The following HOOK3 variants were observed in gnomAD, a reference collection of about 807,000 sequenced individuals.
HOOK3 encodes the protein hook microtubule tethering protein 3.
In HOOK3, 24 loss-of-function variants were observed where a neutral mutation model predicts 116.3. That is an observed-to-expected ratio of 0.21 (90% CI 0.15 to 0.29). The LOEUF (loss-of-function observed/expected upper bound fraction) is 0.29, where lower values mean the gene tolerates loss of function less well. Ranked by LOEUF, HOOK3 falls within the 10% of genes least tolerant of loss-of-function variation. The pLI is 1.00. For missense variants in HOOK3, 632 were observed against 830.2 expected (o/e 0.76, Z 2.93); for synonymous variants, 275 against 283.0 (o/e 0.97, Z 0.28).
intron 4 of HOOK3, among the ~76,000 whole-genome samples, chr8:42,939,988 C>G (rs986079861): frequency 6.6e-6 from 1 of 150,902 alleles, no homozygotes; most frequent in African/African-American, 2.4e-5. Context: ...AGACACTCCT[C>G]ACTTTCCAGA....
intron 1 of HOOK3, among the ~76,000 whole-genome samples, chr8:42,899,437 C>G (rs1437218101): frequency 6.6e-6 from 1 of 152,178 alleles, no homozygotes; most frequent in African/African-American, 2.4e-5. Context: ...AATTTGGAAA[C>G]ACTTTAAAAG....
Position 43,022,331 on chromosome 8 carries a change from C to T in HOOK3, c.*3833C>T, listed in dbSNP as rs1453165047. On this transcript the variant is annotated 3_prime_UTR_variant, in exon 22 of 22. Coordinates refer to ENST00000307602, the MANE Select transcript of HOOK3 (RefSeq NM_032410.4). ...TGAGTGATGCTGTGCTGTATTTTTACAAACTCTCGCATACAGCACCTTCCT... is the reference window on the plus strand; with the variant it reads ...TGAGTGATGCTGTGCTGTATTTTTATAAACTCTCGCATACAGCACCTTCCT... The T allele has an allele frequency of 4.8e-6, 1 of 206,280 alleles. No homozygotes were observed. The allele number at this position is 206,280 out of a possible 1,614,324, so 12.8% of individuals were successfully genotyped here.
chr8:42,931,425 CTTTTTTT>C (rs764965780), intron 4 of HOOK3, among the ~76,000 whole-genome samples: 27 of 100,610 alleles, frequency 2.7e-4, no homozygotes, highest in South Asian at 6.4e-4. Context: ...CTTCTCTTCT[CTTTTTTT>C]TTTTTTTTTT....
At chr8:42,997,663 GGTCC>G in intron 16 of HOOK3, 26 bp downstream of exon 16, 1 of 1,192,490 alleles carries the variant, frequency 8.4e-7, no homozygotes, top group South Asian at 1.2e-5. Context: ...TACCAACGAT[GGTCC>G]ATCAGTTTCA....
intron 2 of HOOK3, among the ~76,000 whole-genome samples, chr8:42,911,275 A>G (rs1424954282): frequency 1.3e-5 from 2 of 152,152 alleles, no homozygotes; most frequent in African/African-American, 4.8e-5. Context: ...AACATGGTGA[A>G]ACTCCGTCTC....
At chr8:42,992,098 A>T (rs974613969) in intron 15 of HOOK3, among the ~76,000 whole-genome samples, 1 of 152,108 alleles carries the variant, frequency 6.6e-6, no homozygotes, top group Non-Finnish European at 1.5e-5. Context: ...CTGTTGGCCT[A>T]TAGAAATGTT....
At position 43,022,183 on chromosome 8, in the gene HOOK3, C is replaced by T. The variant is rs1283001544; in HGVS notation, c.*3685C>T. 1 of 210,586 alleles carries T rather than the reference C, an allele frequency of 4.7e-6. No homozygotes were observed. The highest frequency in any genetic ancestry group is 7.1e-5 in the East Asian group (1 of 14,030). 13.0% of individuals were successfully genotyped at this position (210,586 alleles called of 1,614,324 possible). A position where few individuals can be genotyped will look rare whatever the true frequency, so the allele number is the denominator to read the frequency against. Reference sequence around the variant, plus strand: ...CGGTGGCAACTCCATGTCCGGTGTCCAGCTTTGGACAGGGTTTATGACGTT... The same window carrying T: ...CGGTGGCAACTCCATGTCCGGTGTCTAGCTTTGGACAGGGTTTATGACGTT... On this transcript the variant is annotated 3_prime_UTR_variant, in exon 22 of 22. Coordinates refer to ENST00000307602, the MANE Select transcript of HOOK3 (RefSeq NM_032410.4).
In HOOK3 at chr8:43,017,239, C is replaced by T. The variant is rs1043054821; in HGVS notation, c.2017-1119C>T. 2.0e-5 allele frequency among the ~76,000 whole-genome samples: 3 copies of T among 152,144 alleles called. No individual in the cohort carries two copies. In the South Asian group the frequency reaches 6.2e-4, roughly 31 times the overall value. ...GCATTCAGTCATTGGTGAGATTAAACAGCAGCTCTCAGTTCTTTCATTTTT... is the reference window on the plus strand; with the variant it reads ...GCATTCAGTCATTGGTGAGATTAAATAGCAGCTCTCAGTTCTTTCATTTTT... On this transcript the variant is annotated intron_variant, in intron 21 of 21. Coordinates refer to ENST00000307602, the MANE Select transcript of HOOK3 (RefSeq NM_032410.4).
At chr8:42,951,918 C>T (rs1305788065) in intron 6 of HOOK3, among the ~76,000 whole-genome samples, 3 of 150,142 alleles carry the variant, frequency 2.0e-5, no homozygotes, top group African/African-American at 7.4e-5. Context: ...TCCAGCGTGG[C>T]GACAGCGAGA....
intron 10 of HOOK3, among the ~76,000 whole-genome samples, 177 bp from the exon 11 acceptor site, chr8:42,967,836 A>C (rs568639138): frequency 6.6e-6 from 1 of 151,540 alleles, no homozygotes; most frequent in Admixed American, 6.6e-5. Flanking sequence ...ATTATTCTCC[A>C]TTAAACATTT....
intron 4 of HOOK3, among the ~76,000 whole-genome samples, chr8:42,938,217 C>CTTTTTTTTTTTTTTT (rs145868661): frequency 6.8e-5 from 9 of 132,290 alleles, no homozygotes; most frequent in African/African-American, 1.1e-4. Context: ...GCAACCCCTG[C>CTTTTTTTTTTTTTTT]TTTTTTTTTT....
intron 4 of HOOK3, among the ~76,000 whole-genome samples, chr8:42,937,349 T>C (rs1333666188): frequency 1.4e-5 from 2 of 141,864 alleles, no homozygotes; most frequent in Non-Finnish European, 3.0e-5. Context: ...CCTGGATTCA[T>C]TGATTTTTTT....
At chr8:42,933,351 T>C (rs1211306092) in intron 4 of HOOK3, among the ~76,000 whole-genome samples, 1 of 152,232 alleles carries the variant, frequency 6.6e-6, no homozygotes, top group Non-Finnish European at 1.5e-5. Flanking sequence ...GCCAGATTCA[T>C]TTTGGAATTC....
At chr8:43,005,209 A>ATATG (rs1467491565) in intron 17 of HOOK3, among the ~76,000 whole-genome samples, 1 of 139,746 alleles carries the variant, frequency 7.2e-6, no homozygotes, top group Non-Finnish European at 1.5e-5. Flanking sequence ...CTATATATAT[A>ATATG]TATAATTTTT....
chr8:43,013,242 A>G (rs567027682), intron 20 of HOOK3, 87 bp downstream of exon 20: 4 of 1,389,000 alleles, frequency 2.9e-6, no homozygotes, highest in Admixed American at 4.4e-5. Context: ...TGTGTTCATG[A>G]GTTTTAACAA....
At chr8:42,988,639 C>T (rs900245794) in intron 15 of HOOK3, among the ~76,000 whole-genome samples, 26 of 146,010 alleles carry the variant, frequency 1.8e-4, no homozygotes, top group African/African-American at 7.3e-4. Flanking sequence ...ACGATAATAA[C>T]AGGTAATATT....
At chr8:43,000,846 CT>C (rs1809366132) in intron 16 of HOOK3, 1 of 152,244 alleles carries the variant, frequency 6.6e-6, no homozygotes, top group Non-Finnish European at 1.5e-5. Context: ...AACTATGTTA[CT>C]ACATATCTTC....
chr8:42,912,090 C>T (rs997802062), intron 2 of HOOK3, among the ~76,000 whole-genome samples: 1 of 152,098 alleles, frequency 6.6e-6, no homozygotes, highest in Non-Finnish European at 1.5e-5. Flanking sequence ...GGTAGAGGAG[C>T]AACTGGCAGA....
intron 5 of HOOK3, among the ~76,000 whole-genome samples, chr8:42,948,092 T>G (rs937606663): frequency 1.3e-5 from 2 of 152,180 alleles, no homozygotes; most frequent in African/African-American, 4.8e-5. Flanking sequence ...ATTATTTCCC[T>G]TCTCTCTGGT....
Sources: allele counts gnomAD v4.1 joint callset (sites outside exome capture counted in the v4.1 genomes callset), GRCh38; gene constraint gnomAD v4.1.1; transcripts MANE v1.5; gene names NCBI Gene and HGNC (gene_info 2026-07-23, HGNC 2026-07-21).